The following CCDC154 variants were observed in gnomAD, a reference collection of about 807,000 sequenced individuals.
CCDC154 encodes the protein coiled-coil domain-containing protein 154.
A neutral mutation model predicts 87.5 loss-of-function variants in CCDC154; 91 were observed. That is an observed-to-expected ratio of 1.04 (90% CI 0.88 to 1.24). The LOEUF (loss-of-function observed/expected upper bound fraction) is 1.24, where lower values mean the gene tolerates loss of function less well. Ranked by LOEUF, CCDC154 falls within the 50% of genes most tolerant of loss-of-function variation. The pLI, the probability that CCDC154 is intolerant of heterozygous loss-of-function variation, is 0.00. For missense variants in CCDC154, 903 were observed against 879.2 expected, an observed-to-expected ratio of 1.03 and a Z score of -0.34; for synonymous variants, 418 against 400.4, an observed-to-expected ratio of 1.04 and a Z score of -0.52.
chr16:1,435,228 C>T lies in CCDC154; in HGVS notation c.1606-53G>A, dbSNP rs560995644. Reference sequence around the variant, plus strand: ...ACAGGGCCAGTCTGCTGGCATCCTGCTGTCCCCACAGGCACCCCGATATCC... The same window carrying T: ...ACAGGGCCAGTCTGCTGGCATCCTGTTGTCCCCACAGGCACCCCGATATCC... On this transcript the variant is annotated intron_variant, in intron 14 of 16. Coordinates refer to ENST00000389176, the MANE Select transcript of CCDC154 (RefSeq NM_001143980.3). The T allele has an allele frequency of 6.1e-5, 90 of 1,480,966 alleles. No individual in the cohort carries two copies. The Admixed American group carries it at 9.2e-4, about 15-fold the overall frequency. The allele number at this position is 1,480,966 out of a possible 1,614,324, so 91.7% of individuals were successfully genotyped here. A position where few individuals can be genotyped will look rare whatever the true frequency, so the allele number is the denominator to read the frequency against.
chr16:1,437,132 G>A (rs975807508), intron 11 of CCDC154: 7 of 379,722 alleles, frequency 1.8e-5, no homozygotes, highest in African/African-American at 4.1e-5. Flanking sequence ...CCGCGCTCGC[G>A]TGTCGGTGGA....
chr16:1,437,644 A>G (rs1332591582), intron 11 of CCDC154, 173 bp downstream of exon 11: 3 of 774,470 alleles, frequency 3.9e-6, no homozygotes, highest in Non-Finnish European at 5.8e-6. Flanking sequence ...CCTGCCCCAC[A>G]CAGGAGTCTC....
At chr16:1,439,655 G>A (rs1334958418) in intron 6 of CCDC154, among the ~76,000 whole-genome samples, 1 of 152,110 alleles carries the variant, frequency 6.6e-6, no homozygotes, top group Non-Finnish European at 1.5e-5. Context: ...CGCCTCCCGG[G>A]AAACTTCCCC....
rs35755175 is a variant in CCDC154 at position 1,440,145 on chromosome 16, G to GAA, written c.676-1021_676-1020dup. On this transcript the variant is annotated intron_variant, in intron 6 of 16. Transcript: ENST00000389176. ...CCTGGGCGACAGAGCGAGACTGTCA[G>GAA]AAAAAAAAAAAAAAAAAAAAATGGC... Among the ~76,000 whole-genome samples, 738 of 102,266 alleles carry GAA rather than the reference G, an allele frequency of 7.2e-3. 23 individuals are homozygous for GAA. Among genetic ancestry groups the GAA allele is most frequent in the African/African-American group, 0.02 (463 of 23,428 alleles). 67.1% of individuals were successfully genotyped at this position (102,266 alleles called of 152,430 possible). A position where few individuals can be genotyped will look rare whatever the true frequency, so the allele number is the denominator to read the frequency against.
At position 1,443,490 on chromosome 16, in the gene CCDC154, T is replaced by A. The variant is rs12929054; in HGVS notation, c.414+16A>T. On this transcript the variant is annotated intron_variant, in intron 3 of 16. Coordinates refer to ENST00000389176, the MANE Select transcript of CCDC154 (RefSeq NM_001143980.3). ...GGAAAGGGGCAGCTCGACCTGTGGG[T>A]GGGGGAGCCGCTCACCTCCGGCGCC... 15 of 1,443,722 alleles carry A rather than the reference T, an allele frequency of 1.0e-5. No individual in the cohort carries two copies. Among genetic ancestry groups the A allele is most frequent in the Non-Finnish European group, 1.1e-5 (12 of 1,106,266 alleles). The allele number at this position is 1,443,722 out of a possible 1,614,324, so 89.4% of individuals were successfully genotyped here.
chr16:1,434,937 C>A, intron 15 of CCDC154, 85 bp from the exon 16 acceptor site: 1 of 1,430,978 alleles, frequency 7.0e-7, no homozygotes, highest in Non-Finnish European at 9.2e-7. Flanking sequence ...CCACCGGGAG[C>A]CTGGAAGCCA....
Position 1,434,498 on chromosome 16 carries a change from C to G in CCDC154, c.1914G>C (p.Arg638Ser), listed in dbSNP as rs2038480435. The stretch of plus-strand genomic sequence containing the variant: ...GGACCCCTCCTGGCCTCCGCAGGGC[C>G]CTGAGCTTTATGAGGGACGCCTTCC... The part of the protein sequence containing the change: ...LRWKASLIKL[R>S]ALRRPGGVLE... The change falls in exon 17 of 17, where the codon AGG (arginine) becomes AGC (serine). Residue 638 changes from arginine to serine, a missense_variant. Transcript: ENST00000389176. The G allele has an allele frequency of 6.5e-7, 1 of 1,549,642 alleles. No homozygotes were observed. The highest frequency in any genetic ancestry group is 8.7e-7 in the Non-Finnish European group (1 of 1,146,762).
At chr16:1,435,592 C>T (rs1469391030) in intron 14 of CCDC154, among the ~76,000 whole-genome samples, 1 of 152,234 alleles carries the variant, frequency 6.6e-6, no homozygotes, top group East Asian at 1.9e-4. Context: ...ATGGCGCGAT[C>T]TTGGCTCACC....
intron 11 of CCDC154, chr16:1,437,230 C>T (rs1418711264): frequency 2.4e-5 from 5 of 208,694 alleles, no homozygotes; most frequent in Non-Finnish European, 4.8e-5. Context: ...CCCCGAGGAG[C>T]GGGAAACGGG....
rs894046339 is a variant in CCDC154 at position 1,436,064 on chromosome 16, G to A, written c.1510C>T (p.Arg504Trp). 4.5e-6 allele frequency: 7 copies of A among 1,550,130 alleles called. No individual in the cohort carries two copies. The highest frequency in any genetic ancestry group is 5.2e-6 in the Non-Finnish European group (6 of 1,146,852). Residue 504 changes from arginine (R) to tryptophan (W), a missense_variant, in exon 14 of 17, where the codon CGG (arginine) becomes TGG (tryptophan). Transcript: ENST00000389176. ...GATAGTAGCGTGGCCAGCTCCTGCC[G>A]CAGGGCCCCAACCTTGAACTCCCTA... is the stretch of plus-strand genomic sequence containing the variant. ...KAREFKVGAL[R>W]QELATLLSSV...
chr16:1,435,832 A>G (rs1024532737), intron 14 of CCDC154, 137 bp downstream of exon 14: 3 of 727,512 alleles, frequency 4.1e-6, no homozygotes, highest in Non-Finnish European at 6.8e-6. Flanking sequence ...GGCCTCCGAC[A>G]GGTGGTTTTC....
intron 14 of CCDC154, chr16:1,435,405 C>T (rs2038491945): frequency 1.7e-6 from 1 of 572,676 alleles, no homozygotes; most frequent in African/African-American, 1.9e-5. Flanking sequence ...TGTTCCGGCC[C>T]TCGTGGCTGC....
intron 6 of CCDC154, among the ~76,000 whole-genome samples, chr16:1,441,078 C>T (rs1398811532): frequency 6.6e-6 from 1 of 152,154 alleles, no homozygotes; most frequent in Non-Finnish European, 1.5e-5. Flanking sequence ...GTGATGGCAC[C>T]ACCACGCTCC....
In CCDC154 at chr16:1,439,547, G is replaced by A. The variant is rs182624992; in HGVS notation, c.676-421C>T. Among the ~76,000 whole-genome samples the A allele has an allele frequency of 4.0e-3, 615 of 152,264 alleles. 11 individuals are homozygous for A. The highest frequency in any genetic ancestry group is 0.018 in the South Asian group (86 of 4,830). ...ACAGCTGCTTTCCTGCCGCCCTGAA[G>A]GGGAGGGGAGGGGGGAGGCGCAGCC... On this transcript the variant is annotated intron_variant, in intron 6 of 16. Transcript: ENST00000389176.
Position 1,436,682 on chromosome 16 carries a change from C to T in CCDC154, c.1410+10G>A. On this transcript the variant is annotated intron_variant, in intron 12 of 16. Coordinates refer to ENST00000389176, the MANE Select transcript of CCDC154 (RefSeq NM_001143980.3). ...CCAAGTACACCAAGGCTGGCTGTGCCTTCGCCCACCTGCTGGGGGAGGCCA... is the reference window on the plus strand; with the variant it reads ...CCAAGTACACCAAGGCTGGCTGTGCTTTCGCCCACCTGCTGGGGGAGGCCA... 1 of 1,549,956 alleles carries T rather than the reference C, an allele frequency of 6.5e-7. No individual in the cohort carries two copies. The highest frequency in any genetic ancestry group is 8.7e-7 in the Non-Finnish European group (1 of 1,146,850).
chr16:1,444,229 G>T lies in CCDC154; in HGVS notation c.7+87C>A. 4.8e-6 allele frequency: 6 copies of T among 1,249,350 alleles called. No individual in the cohort carries two copies. In the South Asian group the frequency reaches 8.0e-5, roughly 17 times the overall value. 77.4% of individuals were successfully genotyped at this position (1,249,350 alleles called of 1,614,324 possible). A position where few individuals can be genotyped will look rare whatever the true frequency, so the allele number is the denominator to read the frequency against. Reference sequence around the variant, plus strand: ...GGGCGGCAGGAACAAGCGAGCTGGAGGGAGCCCGGGGTCAGAAGCAGAGCG... The same window carrying T: ...GGGCGGCAGGAACAAGCGAGCTGGATGGAGCCCGGGGTCAGAAGCAGAGCG... On this transcript the variant is annotated intron_variant, in intron 1 of 16. Coordinates refer to ENST00000389176, the MANE Select transcript of CCDC154 (RefSeq NM_001143980.3).
At chr16:1,440,467 G>GGAAGAGAAGA (rs928802346) in intron 6 of CCDC154, among the ~76,000 whole-genome samples, 6 of 148,564 alleles carry the variant, frequency 4.0e-5, no homozygotes, top group African/African-American at 1.3e-4. Context: ...AAAAGAGAAG[G>GGAAGAGAAGA]GAAGAGAAGA....
intron 11 of CCDC154, chr16:1,437,193 G>A (rs2038510033): frequency 3.7e-6 from 1 of 270,136 alleles, no homozygotes; most frequent in Non-Finnish European, 7.2e-6. Flanking sequence ...ACGCCGCGGT[G>A]GAAGGGGTGA....
In CCDC154 at chr16:1,436,731, C is replaced by T. The variant is rs766828357; in HGVS notation, c.1371G>A (p.Leu457=). The T allele has an allele frequency of 2.9e-5, 45 of 1,550,452 alleles. No individual in the cohort carries two copies. In the East Asian group the frequency reaches 1.1e-3, roughly 36 times the overall value. The change falls in exon 12 of 17, where the codon CTG becomes CTA. Residue 457 remains leucine (L), a synonymous_variant. Transcript: ENST00000389176. ...ARWRKEVTEH[L]RGVREKVDGL... ...CATCCACCTTCTCCCGCACCCCTCGCAGGTGTTCGGTCACCTCCTTCCGCC... is the reference window on the plus strand; with the variant it reads ...CATCCACCTTCTCCCGCACCCCTCGTAGGTGTTCGGTCACCTCCTTCCGCC...
Sources: gnomAD v4.1 joint callset for allele counts (sites outside exome capture counted in the v4.1 genomes callset) on GRCh38, gnomAD v4.1.1 for gene constraint, MANE v1.5 for transcripts, NCBI Gene and HGNC (gene_info 2026-07-23, HGNC 2026-07-21) for gene names.